The following ARID1B variants were observed in gnomAD, a reference collection of about 807,000 sequenced individuals.
ARID1B encodes AT-rich interactive domain-containing protein 1B.
A neutral mutation model predicts 212.3 loss-of-function variants in ARID1B; 30 were observed. The observed-to-expected ratio is 0.14, with a 90% CI of 0.11 to 0.19. The LOEUF (loss-of-function observed/expected upper bound fraction) is 0.19, where lower values mean the gene tolerates loss of function less well. ARID1B is among the 10% of genes least tolerant of loss of function. The probability of loss-of-function intolerance (pLI) is 1.00; values close to 1 mark genes in which losing one functional copy is unlikely to be tolerated. For missense variants in ARID1B, 2,891 were observed against 3,204.0 expected, an observed-to-expected ratio of 0.90 and a Z score of 2.36; for synonymous variants, 1,402 against 1,301.7, an observed-to-expected ratio of 1.08 and a Z score of -1.66.
At chr6:156,993,349 A>G (rs1778379760) in intron 4 of ARID1B, among the ~76,000 whole-genome samples, 1 of 152,208 alleles carries the variant, frequency 6.6e-6, no homozygotes, top group Non-Finnish European at 1.5e-5. Flanking sequence ...TTTTAAATAT[A>G]TCTAATGAGA....
intron 3 of ARID1B, among the ~76,000 whole-genome samples, chr6:156,924,166 C>T (rs1055303861): frequency 6.6e-6 from 1 of 152,124 alleles, no homozygotes; most frequent in Non-Finnish European, 1.5e-5. Context: ...TACAGTCATC[C>T]CCCTTGTCAG....
intron 4 of ARID1B, among the ~76,000 whole-genome samples, chr6:156,953,851 T>C (rs1793766290): frequency 6.6e-6 from 1 of 152,222 alleles, no homozygotes; most frequent in Non-Finnish European, 1.5e-5. Context: ...ACACAAGGCC[T>C]TGATTTTTAG....
chr6:157,183,045 G>A (rs1011250438), intron 12 of ARID1B, among the ~76,000 whole-genome samples: 6 of 152,022 alleles, frequency 3.9e-5, no homozygotes, highest in Non-Finnish European at 8.8e-5. Flanking sequence ...GACTCTCCGC[G>A]GGCTTATAAT....
At chr6:156,942,358 G>A (rs1044296055) in intron 4 of ARID1B, 6 of 152,202 alleles carry the variant, frequency 3.9e-5, no homozygotes, top group Non-Finnish European at 1.5e-5. Context: ...AACAAGTGAG[G>A]GATGGGCAGG....
intron 2 of ARID1B, among the ~76,000 whole-genome samples, chr6:156,889,814 T>C (rs1193830246): frequency 6.6e-6 from 1 of 152,100 alleles, no homozygotes; most frequent in Admixed American, 6.5e-5. Flanking sequence ...ATTTTTGATA[T>C]GGTTAAAAAA....
At chr6:157,169,934 C>G (rs1791597125) in intron 9 of ARID1B, 2 of 152,180 alleles carry the variant, frequency 1.3e-5, no homozygotes, top group African/African-American at 4.8e-5. Flanking sequence ...CCACTCAGTC[C>G]CAAACATGAA....
intron 4 of ARID1B, among the ~76,000 whole-genome samples, chr6:156,951,660 G>T (rs1299567368): frequency 2.6e-5 from 4 of 152,114 alleles, no homozygotes; most frequent in African/African-American, 9.6e-5. Context: ...AGCCAGGATG[G>T]TCTCAATCTC....
intron 4 of ARID1B, among the ~76,000 whole-genome samples, chr6:156,950,742 A>G (rs1793522620): frequency 6.6e-6 from 1 of 152,176 alleles, no homozygotes; most frequent in African/African-American, 2.4e-5. Flanking sequence ...AGAGGAAATG[A>G]CTATGACTTT....
At chr6:157,038,559 A>G (rs909707694) in intron 4 of ARID1B, among the ~76,000 whole-genome samples, 5 of 152,228 alleles carry the variant, frequency 3.3e-5, no homozygotes, top group African/African-American at 1.2e-4. Context: ...ACTCAAGTTT[A>G]TAACCCTAAT....
Position 157,148,991 on chromosome 6 carries a change from G to T in ARID1B, c.3089+40G>T. ...AGCACGCCCCGGGCAGGTACGCTGT[G>T]TGTCTACCCGTGACCACGTGACTGC... is the stretch of plus-strand genomic sequence containing the variant. On this transcript the variant is annotated intron_variant, in intron 8 of 19. Transcript: ENST00000636930. This position sits in a 1 kb window ranked among gnomAD's most constrained non-coding sequence, Gnocchi z 5.6. The T allele has an allele frequency of 6.4e-7, 1 of 1,566,510 alleles. No homozygotes were observed. Among genetic ancestry groups the T allele is most frequent in the South Asian group, 1.1e-5 (1 of 87,150 alleles).
intron 1 of ARID1B, among the ~76,000 whole-genome samples, chr6:156,809,667 TA>T (rs1781423730): frequency 7.1e-6 from 1 of 140,098 alleles, no homozygotes; most frequent in Non-Finnish European, 1.5e-5. Flanking sequence ...GAGGCTCCTG[TA>T]CCACCACCAT....
chr6:156,974,303 C>T (rs903069134), intron 4 of ARID1B, among the ~76,000 whole-genome samples: 3 of 152,088 alleles, frequency 2.0e-5, no homozygotes, highest in Non-Finnish European at 2.9e-5. Context: ...CACGTGAGTA[C>T]CAGAATCATT....
rs757091814 is a variant in ARID1B at position 157,140,779 on chromosome 6, G to A, written c.2761+7572G>A. On this transcript the variant is annotated intron_variant, in intron 7 of 19. Coordinates refer to ENST00000636930, the MANE Select transcript of ARID1B (RefSeq NM_001374828.1). ...CGTGTCCTTGGGGTCCGCCTCTGAC[G>A]TTAGCCCTGGTCCGGGATCCGCTTC... The A allele has an allele frequency of 7.6e-5, 30 of 396,924 alleles. No individual in the cohort carries two copies. The Middle Eastern group carries it at 2.5e-3, about 33-fold the overall frequency. 24.6% of individuals were successfully genotyped at this position (396,924 alleles called of 1,614,324 possible).
intron 5 of ARID1B, among the ~76,000 whole-genome samples, chr6:157,105,215 C>T (rs9480436): frequency 0.048 from 7,253 of 152,100 alleles, 243 homozygotes; most frequent in East Asian, 0.16. Context: ...TGTATGTACT[C>T]GAAGAAAACT....
intron 5 of ARID1B, 116 bp downstream of exon 5, chr6:157,085,021 T>A (rs2128464188): frequency 7.6e-7 from 1 of 1,313,914 alleles, no homozygotes; most frequent in South Asian, 1.5e-5. Flanking sequence ...ATATTAAGAG[T>A]ATAACTGAAT....
intron 17 of ARID1B, among the ~76,000 whole-genome samples, chr6:157,199,477 G>A (rs1176160309): frequency 2.0e-5 from 3 of 151,992 alleles, no homozygotes; most frequent in South Asian, 2.1e-4. Context: ...TGCAGGAACC[G>A]CCCTTCGTGG....
chr6:156,786,514 A>G (rs575512385), intron 1 of ARID1B, among the ~76,000 whole-genome samples: 19 of 152,280 alleles, frequency 1.2e-4, no homozygotes, highest in Admixed American at 2.0e-4. Context: ...ATTGTACTGG[A>G]ATTGCTGCTG....
chr6:156,902,653 C>A (rs1789041120), intron 3 of ARID1B, among the ~76,000 whole-genome samples: 1 of 145,554 alleles, frequency 6.9e-6, no homozygotes. Context: ...TATTTAAAAG[C>A]TTGAACCCGG....
At chr6:156,874,999 G>A (rs1786428910) in intron 2 of ARID1B, among the ~76,000 whole-genome samples, 1 of 152,122 alleles carries the variant, frequency 6.6e-6, no homozygotes, top group South Asian at 2.1e-4. Flanking sequence ...TAACTGATCA[G>A]GTAAATATTT....
Sources: gnomAD v4.1 joint callset for allele counts (sites outside exome capture counted in the v4.1 genomes callset) on GRCh38, gnomAD v4.1.1 for gene constraint, Gnocchi (gnomAD v3.1) non-coding constraint, MANE v1.5 for transcripts, NCBI Gene and HGNC (gene_info 2026-07-23, HGNC 2026-07-21) for gene names.